The following ADGRA3 variants were observed in gnomAD, a reference collection of about 807,000 sequenced individuals.
ADGRA3 encodes the protein G-protein coupled receptor 125.
ADGRA3 carries 56 observed loss-of-function variants against 119.8 expected under a neutral mutation model. That is an observed-to-expected ratio of 0.47 (90% confidence interval 0.38 to 0.58). The LOEUF (loss-of-function observed/expected upper bound fraction) is 0.58, where lower values mean the gene tolerates loss of function less well. Among genes scored for constraint, ADGRA3 ranks in the 20% least tolerant of loss-of-function variants. ADGRA3 has a pLI of 0.00. For synonymous variants in ADGRA3, 607 were observed against 623.8 expected, an observed-to-expected ratio of 0.97 and a Z score of 0.40; for missense variants, 1,516 against 1,649.0, an observed-to-expected ratio of 0.92 and a Z score of 1.40.
chr4:22,405,163 G>T (rs1714849523), intron 14 of ADGRA3, among the ~76,000 whole-genome samples: 1 of 152,092 alleles, frequency 6.6e-6, no homozygotes, highest in Non-Finnish European at 1.5e-5. Context: ...TGGGGAGCTG[G>T]ATACCATCGA....
chr4:22,429,472 C>T (rs920079208), intron 10 of ADGRA3, among the ~76,000 whole-genome samples: 1 of 152,146 alleles, frequency 6.6e-6, no homozygotes, highest in African/African-American at 2.4e-5. Flanking sequence ...TTTTGACTTC[C>T]ACACAGGGCC....
At chr4:22,498,513 G>A (rs1385709028) in intron 1 of ADGRA3, among the ~76,000 whole-genome samples, 2 of 121,198 alleles carry the variant, frequency 1.7e-5, no homozygotes, top group Non-Finnish European at 4.0e-5. Flanking sequence ...AGCTACTCGG[G>A]AAGCTGAGGG....
At chr4:22,411,820 T>G (rs981767602) in intron 14 of ADGRA3, among the ~76,000 whole-genome samples, 6 of 152,108 alleles carry the variant, frequency 3.9e-5, no homozygotes, top group African/African-American at 9.7e-5. Context: ...TTAAATATGT[T>G]GCTTGCACTT....
At chr4:22,487,209 A>C (rs140751838) in intron 1 of ADGRA3, among the ~76,000 whole-genome samples, 10 of 152,312 alleles carry the variant, frequency 6.6e-5, no homozygotes, top group African/African-American at 2.4e-4. Context: ...TGTTTAGATA[A>C]GTATTTTTAA....
chr4:22,429,783 C>T (rs1841828), intron 10 of ADGRA3, among the ~76,000 whole-genome samples: 95,671 of 152,014 alleles, frequency 0.63, 31,972 homozygotes, highest in Non-Finnish European at 0.74. Context: ...CACTGGCACT[C>T]GGCAGAAGCA....
At chr4:22,434,829 A>C (rs183409729) in intron 10 of ADGRA3, among the ~76,000 whole-genome samples, 3 of 152,308 alleles carry the variant, frequency 2.0e-5, no homozygotes, top group Non-Finnish European at 4.4e-5. Flanking sequence ...ATTTTTTAAA[A>C]CTTGTATAGT....
chr4:22,498,015 C>T lies in ADGRA3; in HGVS notation c.257+17513G>A, dbSNP rs200829301. On this transcript the variant is annotated intron_variant, in intron 1 of 18. Coordinates refer to ENST00000334304, the MANE Select transcript of ADGRA3 (RefSeq NM_145290.4). Reference sequence around the variant, plus strand: ...CAACCCTTTGGCAGGCCGAGGCAAGCGGATCATCTGGGGTCGGGAGTTCAA... The same window carrying T: ...CAACCCTTTGGCAGGCCGAGGCAAGTGGATCATCTGGGGTCGGGAGTTCAA... Among the ~76,000 whole-genome samples, 102 of 148,686 alleles carry T rather than the reference C, an allele frequency of 6.9e-4. 1 individual carries two copies. The East Asian group carries it at 0.018, about 27-fold the overall frequency.
Position 22,421,084 on chromosome 4 carries a change from T to G in ADGRA3, c.1611A>C (p.Ser537=). The change falls in exon 12 of 19, where the codon TCA becomes TCC. Residue 537 remains serine (S), a synonymous_variant. Transcript: ENST00000334304. ...AGGAHVYSTY[S]PNIALEAYVI... ...CATAAGCTTCCAGAGCAATATTGGG[T>G]GAATACTTGAAAAGTCAATCAAACA... is the stretch of plus-strand genomic sequence containing the variant. 1 of 1,612,688 alleles carries G rather than the reference T, an allele frequency of 6.2e-7. No individual in the cohort carries two copies. Among genetic ancestry groups the G allele is most frequent in the Non-Finnish European group, 8.5e-7 (1 of 1,179,096 alleles).
At chr4:22,409,499 T>C (rs780741845) in intron 14 of ADGRA3, among the ~76,000 whole-genome samples, 3 of 152,224 alleles carry the variant, frequency 2.0e-5, no homozygotes, top group Non-Finnish European at 2.9e-5. Context: ...ACTAGCTTTG[T>C]GAGCATGGCA....
At chr4:22,502,913 A>C (rs531521435) in intron 1 of ADGRA3, among the ~76,000 whole-genome samples, 18 of 137,712 alleles carry the variant, frequency 1.3e-4, no homozygotes, top group Middle Eastern at 3.6e-3. Context: ...AAAAAAAAAA[A>C]CAGTAAGAAA....
At chr4:22,412,726 T>C (rs1266671893) in intron 14 of ADGRA3, among the ~76,000 whole-genome samples, 1 of 152,168 alleles carries the variant, frequency 6.6e-6, no homozygotes, top group Non-Finnish European at 1.5e-5. Flanking sequence ...ATGACAAAAA[T>C]GAAATTATCA....
At chr4:22,413,000 C>G (rs1028080036) in intron 14 of ADGRA3, among the ~76,000 whole-genome samples, 182 bp downstream of exon 14, 1 of 150,116 alleles carries the variant, frequency 6.7e-6, no homozygotes, top group Non-Finnish European at 1.5e-5. Flanking sequence ...TTGGTAGTAA[C>G]TTAATTTCCC....
At chr4:22,478,510 G>A (rs1718133967) in intron 1 of ADGRA3, among the ~76,000 whole-genome samples, 1 of 152,092 alleles carries the variant, frequency 6.6e-6, no homozygotes, top group Non-Finnish European at 1.5e-5. Context: ...TATAATTTGG[G>A]GCATCAACCA....
At chr4:22,397,879 A>G (rs1714431277) in intron 16 of ADGRA3, 1 of 162,842 alleles carries the variant, frequency 6.1e-6, no homozygotes, top group Non-Finnish European at 1.3e-5. Context: ...TAAATTACCC[A>G]GTCTCGGGTA....
chr4:22,462,928 GACCTCT>G (rs1717518556), intron 2 of ADGRA3, among the ~76,000 whole-genome samples: 2 of 152,154 alleles, frequency 1.3e-5, no homozygotes, highest in Non-Finnish European at 2.9e-5. Context: ...TGTTTGGCTA[GACCTCT>G]GTGGAGAGCT....
intron 3 of ADGRA3, among the ~76,000 whole-genome samples, chr4:22,456,340 C>T (rs1717237102): frequency 6.6e-6 from 1 of 152,066 alleles, no homozygotes; most frequent in Non-Finnish European, 1.5e-5. Context: ...AGTCAGTGGA[C>T]AGAGACAGGA....
intron 4 of ADGRA3, among the ~76,000 whole-genome samples, chr4:22,447,787 G>A (rs1336219293): frequency 6.6e-6 from 1 of 151,902 alleles, no homozygotes; most frequent in African/African-American, 2.4e-5. Flanking sequence ...GAACCTAAAA[G>A]GTACCCTAAC....
At chr4:22,513,770 A>G (rs1002926207) in intron 1 of ADGRA3, among the ~76,000 whole-genome samples, 1 of 146,498 alleles carries the variant, frequency 6.8e-6, no homozygotes, top group Middle Eastern at 3.5e-3. Flanking sequence ...CTTTGACCTC[A>G]CAAAGCCCTG....
At chr4:22,451,226 A>G (rs1202575047) in intron 4 of ADGRA3, among the ~76,000 whole-genome samples, 2 of 152,084 alleles carry the variant, frequency 1.3e-5, no homozygotes, top group Non-Finnish European at 2.9e-5. Context: ...GGAAATATTA[A>G]AGGTATAACT....
Sources: allele counts gnomAD v4.1 joint callset (sites outside exome capture counted in the v4.1 genomes callset), GRCh38; gene constraint gnomAD v4.1.1; transcripts MANE v1.5; gene names NCBI Gene and HGNC (gene_info 2026-07-23, HGNC 2026-07-21).